The following PIK3R3 variants were observed in gnomAD, a reference collection of about 807,000 sequenced individuals.
PIK3R3 encodes phosphoinositide-3-kinase regulatory subunit 3.
PIK3R3 carries 64 observed loss-of-function variants against 62.9 expected under a neutral mutation model. The observed-to-expected ratio is 1.02, with a 90% CI of 0.83 to 1.25. The LOEUF is 1.25. PIK3R3 is among the 50% of genes most tolerant of loss of function. The pLI is 0.00. For missense variants in PIK3R3, 614 were observed against 561.6 expected (o/e 1.09, Z -0.94); for synonymous variants, 165 against 189.0 (o/e 0.87, Z 1.04).
intron 7 of PIK3R3, among the ~76,000 whole-genome samples, chr1:46,050,012 T>C (rs1235156432): frequency 6.6e-6 from 1 of 151,494 alleles, no homozygotes; most frequent in African/African-American, 2.4e-5. Flanking sequence ...TCCCAGCTAC[T>C]TGGGAGGCTG....
At chr1:46,125,319 T>C (rs985181631) in intron 1 of PIK3R3, among the ~76,000 whole-genome samples, 1 of 152,142 alleles carries the variant, frequency 6.6e-6, no homozygotes, top group African/African-American at 2.4e-5. Flanking sequence ...CATTTGATTA[T>C]ATAAGCATTT....
At chr1:46,116,569 G>A (rs1446224880) in intron 1 of PIK3R3, among the ~76,000 whole-genome samples, 1 of 151,630 alleles carries the variant, frequency 6.6e-6, no homozygotes, top group Admixed American at 6.6e-5. Flanking sequence ...GGCTGAGGCA[G>A]GAGAATTGCT....
chr1:46,124,729 G>C lies in PIK3R3; in HGVS notation c.106+7118C>G, dbSNP rs1010761861. Among the ~76,000 whole-genome samples, 5 of 150,898 alleles carry C rather than the reference G, an allele frequency of 3.3e-5. No homozygotes were observed. In the East Asian group the frequency reaches 9.8e-4, roughly 29 times the overall value. On this transcript the variant is annotated intron_variant, in intron 1 of 9. Coordinates refer to ENST00000262741, the MANE Select transcript of PIK3R3 (RefSeq NM_003629.4). ...GAGAATCGCTGGAACCCAGGAGGCG[G>C]AGGTTGCGGTGAGCCGAGCTCGCAC...
chr1:46,155,478 A>G, the PIK3R3 span, among the ~76,000 whole-genome samples: 1 of 149,472 alleles, frequency 6.7e-6, no homozygotes, highest in East Asian at 2.0e-4. Flanking sequence ...ACAAGATCTC[A>G]CTCTGTCACC....
the PIK3R3 span, among the ~76,000 whole-genome samples, chr1:46,153,871 C>T: frequency 1.3e-5 from 2 of 152,164 alleles, no homozygotes; most frequent in Admixed American, 1.3e-4. Flanking sequence ...GATAGACATA[C>T]AAAGTACCAT....
chr1:46,123,224 A>G (rs1654830645), intron 1 of PIK3R3, among the ~76,000 whole-genome samples: 1 of 152,214 alleles, frequency 6.6e-6, no homozygotes, highest in Admixed American at 6.5e-5. Flanking sequence ...CCCTACATAT[A>G]AAAGGGTACA....
chr1:46,069,475 C>T (rs761200391), intron 3 of PIK3R3, among the ~76,000 whole-genome samples: 5 of 150,780 alleles, frequency 3.3e-5, no homozygotes, highest in South Asian at 2.1e-4. Flanking sequence ...GCCGAGATCA[C>T]GCCACTGCAC....
At chr1:46,092,354 CTGTTTTGTTTTGTTT>C (rs556939504) in intron 1 of PIK3R3, among the ~76,000 whole-genome samples, 1 of 152,006 alleles carries the variant, frequency 6.6e-6, no homozygotes, top group Non-Finnish European at 1.5e-5. Flanking sequence ...TCCTTGACTT[CTGTTTTGTTTTGTTT>C]TGTTTTGTTT....
At chr1:46,122,362 A>G (rs1226525926) in intron 1 of PIK3R3, among the ~76,000 whole-genome samples, 1 of 152,054 alleles carries the variant, frequency 6.6e-6, no homozygotes, top group Non-Finnish European at 1.5e-5. Flanking sequence ...ATACACTGTG[A>G]AAAACTTACT....
In PIK3R3 at chr1:46,090,788, G is replaced by T. The variant is rs144984676; in HGVS notation, c.107-10038C>A. Reference sequence around the variant, plus strand: ...ATTGTATTTATATAATGGAAATACTGTGTGCTACTGAGGATTTCTTTCAAA... The same window carrying T: ...ATTGTATTTATATAATGGAAATACTTTGTGCTACTGAGGATTTCTTTCAAA... On this transcript the variant is annotated intron_variant, in intron 1 of 9. Transcript: ENST00000262741. Among the ~76,000 whole-genome samples, 936 of 152,268 alleles carry T rather than the reference G, an allele frequency of 6.1e-3. 4 individuals are homozygous for T. The highest frequency in any genetic ancestry group is 0.026 in the South Asian group (124 of 4,828).
the PIK3R3 span, among the ~76,000 whole-genome samples, chr1:46,150,870 G>A: frequency 1.4e-5 from 2 of 144,038 alleles, no homozygotes; most frequent in African/African-American, 5.2e-5. Context: ...ATGCAATGGT[G>A]TGATCTCGGC....
chr1:46,112,044 C>T (rs72677546), intron 1 of PIK3R3, among the ~76,000 whole-genome samples: 31,184 of 152,062 alleles, frequency 0.21, 3,666 homozygotes, highest in Non-Finnish European at 0.26. Flanking sequence ...TTTATTGTCA[C>T]ATGTCCTCCT....
intron 6 of PIK3R3, among the ~76,000 whole-genome samples, chr1:46,057,656 A>G (rs1648055145): frequency 6.6e-6 from 1 of 152,218 alleles, no homozygotes; most frequent in Admixed American, 6.5e-5. Flanking sequence ...AGAGATTGAT[A>G]GCATTTTGCC....
At chr1:46,158,140 G>A in the PIK3R3 span, among the ~76,000 whole-genome samples, 1 of 152,048 alleles carries the variant, frequency 6.6e-6, no homozygotes, top group East Asian at 1.9e-4. Context: ...CCCCATTCCT[G>A]CTGATCTAAG....
intron 1 of PIK3R3, among the ~76,000 whole-genome samples, chr1:46,130,189 T>C (rs1655454198): frequency 1.3e-5 from 2 of 152,314 alleles, no homozygotes; most frequent in African/African-American, 4.8e-5. Flanking sequence ...CAAGGCAAGG[T>C]ACTATATAAT....
At chr1:46,141,254 C>T in the PIK3R3 span, among the ~76,000 whole-genome samples, 1 of 151,224 alleles carries the variant, frequency 6.6e-6, no homozygotes, top group East Asian at 1.9e-4. Context: ...TTTTCAAGCA[C>T]ATTTTATTTT....
At chr1:46,100,506 A>G (rs1380810213) in intron 1 of PIK3R3, among the ~76,000 whole-genome samples, 1 of 152,234 alleles carries the variant, frequency 6.6e-6, no homozygotes, top group Admixed American at 6.5e-5. Context: ...TCCTGTGCCA[A>G]TACCACATTG....
At chr1:46,168,403 A>G in the PIK3R3 span, among the ~76,000 whole-genome samples, 24 of 152,182 alleles carry the variant, frequency 1.6e-4, no homozygotes, top group Non-Finnish European at 1.0e-4. Flanking sequence ...AGTGTTGGGG[A>G]CAGCAGTGGT....
the PIK3R3 span, among the ~76,000 whole-genome samples, chr1:46,144,103 A>G: frequency 2.6e-5 from 4 of 152,284 alleles, no homozygotes; most frequent in East Asian, 7.7e-4. Context: ...TCTTTCATAA[A>G]TATTTGGAAA....
Sources: gnomAD v4.1 joint callset for allele counts (sites outside exome capture counted in the v4.1 genomes callset) on GRCh38, gnomAD v4.1.1 for gene constraint, MANE v1.5 for transcripts, NCBI Gene and HGNC (gene_info 2026-07-23, HGNC 2026-07-21) for gene names.